The following SLX4IP variants were observed in gnomAD, a reference collection of about 807,000 sequenced individuals.
SLX4IP encodes protein SLX4IP.
A neutral mutation model predicts 32.9 loss-of-function variants in SLX4IP; 34 were observed. The ratio of observed to expected loss-of-function variants is 1.03; its 90% CI spans 0.79 to 1.38. The LOEUF (loss-of-function observed/expected upper bound fraction) is 1.38, where lower values mean the gene tolerates loss of function less well. SLX4IP is among the 40% of genes most tolerant of loss of function. The probability of loss-of-function intolerance (pLI) is 0.00; values close to 1 mark genes in which losing one functional copy is unlikely to be tolerated. For synonymous variants in SLX4IP, 172 were observed against 171.7 expected (o/e 1.00, Z -0.01); for missense variants, 444 against 479.0 (o/e 0.93, Z 0.68).
chr20:10,575,324 G>T (rs2066512537), intron 4 of SLX4IP, among the ~76,000 whole-genome samples: 1 of 152,128 alleles, frequency 6.6e-6, no homozygotes, highest in Admixed American at 6.5e-5. Context: ...AGCATGTTGG[G>T]AACATAGTAC....
intron 2 of SLX4IP, among the ~76,000 whole-genome samples, chr20:10,476,730 A>G (rs774251627): frequency 5.3e-5 from 8 of 152,190 alleles, no homozygotes; most frequent in Non-Finnish European, 8.8e-5. Flanking sequence ...ATTTACATGA[A>G]TCAGCCTCTT....
chr20:10,607,830 CAGTA>C (rs1301984944), intron 6 of SLX4IP, among the ~76,000 whole-genome samples: 2 of 151,994 alleles, frequency 1.3e-5, no homozygotes, highest in African/African-American at 4.8e-5. Context: ...TTGTATATTA[CAGTA>C]ACCTGAGTTC....
intron 4 of SLX4IP, among the ~76,000 whole-genome samples, chr20:10,594,819 T>A (rs564448443): frequency 6.6e-6 from 1 of 152,316 alleles, no homozygotes; most frequent in African/African-American, 2.4e-5. Context: ...AGCAGCTTAT[T>A]TTAGACAGAA....
chr20:10,456,481 A>AATGG (rs2065286638), intron 1 of SLX4IP, among the ~76,000 whole-genome samples: 3 of 152,102 alleles, frequency 2.0e-5, no homozygotes, highest in African/African-American at 7.2e-5. Context: ...AGCTGGGATT[A>AATGG]CAGGTGCATG....
chr20:10,566,565 A>G (rs1255428538), intron 4 of SLX4IP, among the ~76,000 whole-genome samples: 2 of 152,102 alleles, frequency 1.3e-5, no homozygotes, highest in Admixed American at 1.3e-4. Context: ...GGAACCATGT[A>G]TCTGGCCAAG....
In SLX4IP at chr20:10,518,496, TCC is replaced by T. The variant is rs771295409; in HGVS notation, c.28-37734_28-37733del. 8.6e-3 allele frequency among the ~76,000 whole-genome samples: 199 copies of T among 23,012 alleles called. 9 individuals carry two copies. The highest frequency in any genetic ancestry group is 5.2e-3 in the African/African-American group (24 of 4,660). The allele number at this position is 23,012 out of a possible 152,430, so 15.1% of individuals were successfully genotyped here. On this transcript the variant is annotated intron_variant, in intron 2 of 7. Transcript: ENST00000334534. ...TCTTTTCCTTTCCTTTCCTTTTCCT[TCC>T]TTCCTTCCTTCCTTCCTTCCTTCCT...
chr20:10,493,089 C>A (rs899541853), intron 2 of SLX4IP, among the ~76,000 whole-genome samples: 7 of 152,284 alleles, frequency 4.6e-5, no homozygotes, highest in Non-Finnish European at 8.8e-5. Context: ...CAAGTGTGAG[C>A]CACTGCCCCT....
intron 2 of SLX4IP, among the ~76,000 whole-genome samples, chr20:10,515,635 T>C (rs1364612426): frequency 6.6e-6 from 1 of 152,262 alleles, no homozygotes; most frequent in Non-Finnish European, 1.5e-5. Flanking sequence ...ATTTCTCAGG[T>C]ATTTGGAAGG....
At chr20:10,525,341 T>C (rs1030981212) in intron 2 of SLX4IP, among the ~76,000 whole-genome samples, 2 of 152,166 alleles carry the variant, frequency 1.3e-5, no homozygotes, top group Admixed American at 1.3e-4. Flanking sequence ...ATTTTGATGT[T>C]ATATATTGAC....
chr20:10,618,083 C>G (rs937917878), intron 6 of SLX4IP, among the ~76,000 whole-genome samples: 1 of 152,302 alleles, frequency 6.6e-6, no homozygotes, highest in Non-Finnish European at 1.5e-5. Context: ...CCAGGTCAGC[C>G]CATACAGGAA....
chr20:10,612,737 A>C (rs1032070579), intron 6 of SLX4IP: 2 of 152,166 alleles, frequency 1.3e-5, no homozygotes, highest in Non-Finnish European at 1.5e-5. Flanking sequence ...ACAGGATTTC[A>C]CCATGTTAGT....
chr20:10,563,165 C>T (rs1286661382), intron 4 of SLX4IP, among the ~76,000 whole-genome samples: 4 of 152,164 alleles, frequency 2.6e-5, no homozygotes, highest in Non-Finnish European at 5.9e-5. Context: ...TGATTAATAA[C>T]GTTAAGCAAT....
At chr20:10,583,309 C>T (rs569626642) in intron 4 of SLX4IP, among the ~76,000 whole-genome samples, 97 of 152,318 alleles carry the variant, frequency 6.4e-4, no homozygotes, top group African/African-American at 2.2e-3. Context: ...AGTCCATCTT[C>T]AGATTTATCT....
chr20:10,625,329 A>T lies in SLX4IP; in HGVS notation c.*1950A>T, dbSNP rs1339754248. 1.3e-5 allele frequency: 2 copies of T among 152,234 alleles called. No individual in the cohort carries two copies. Among genetic ancestry groups the T allele is most frequent in the African/African-American group, 2.4e-5 (1 of 41,446 alleles). The allele number at this position is 152,234 out of a possible 1,614,324, so 9.4% of individuals were successfully genotyped here. A position where few individuals can be genotyped will look rare whatever the true frequency, so the allele number is the denominator to read the frequency against. On this transcript the variant is annotated 3_prime_UTR_variant, in exon 8 of 8. Coordinates refer to ENST00000334534, the MANE Select transcript of SLX4IP (RefSeq NM_001009608.3). ...AAGTAATAAGTAACCCAGGGGATAG[A>T]CCAAGAAGCAGCTCTCTGGAAGAGT...
rs201884565 is a variant in SLX4IP at position 10,473,748 on chromosome 20, G to A, written c.27+15517G>A. On this transcript the variant is annotated intron_variant, in intron 2 of 7. Transcript: ENST00000334534. ...CTCCCAAGTAGCTGGGATTACAGGC[G>A]CCTGCCACCACGCCTGGCTAATTTT... is the stretch of plus-strand genomic sequence containing the variant. 4.9e-3 allele frequency among the ~76,000 whole-genome samples: 740 copies of A among 151,018 alleles called. 2 individuals are homozygous for A. The highest frequency in any genetic ancestry group is 0.012 in the South Asian group (58 of 4,752).
intron 2 of SLX4IP, among the ~76,000 whole-genome samples, chr20:10,462,935 A>G (rs949768246): frequency 6.6e-6 from 1 of 152,226 alleles, no homozygotes; most frequent in African/African-American, 2.4e-5. Context: ...TGAACACTCA[A>G]AAGCTGGATG....
chr20:10,536,717 C>T (rs1274483239), intron 2 of SLX4IP, among the ~76,000 whole-genome samples: 1 of 152,250 alleles, frequency 6.6e-6, no homozygotes, highest in Non-Finnish European at 1.5e-5. Flanking sequence ...GCTCGATTTT[C>T]ACTTTGGTCA....
chr20:10,604,185 T>A (rs1412971818), intron 6 of SLX4IP, among the ~76,000 whole-genome samples: 1 of 152,234 alleles, frequency 6.6e-6, no homozygotes, highest in Non-Finnish European at 1.5e-5. Flanking sequence ...CTCAAGAACA[T>A]CTGACTGGGC....
chr20:10,479,920 C>T (rs2065507761), intron 2 of SLX4IP, among the ~76,000 whole-genome samples: 1 of 151,928 alleles, frequency 6.6e-6, no homozygotes, highest in Admixed American at 6.5e-5. Flanking sequence ...AGGAGAATCC[C>T]TTGAACCAGG....
Sources: allele counts gnomAD v4.1 joint callset (sites outside exome capture counted in the v4.1 genomes callset), GRCh38; gene constraint gnomAD v4.1.1; transcripts MANE v1.5; gene names NCBI Gene and HGNC (gene_info 2026-07-23, HGNC 2026-07-21).